The following LDB3 variants were observed in gnomAD, a reference collection of about 807,000 sequenced individuals.
The protein encoded by LDB3 is LIM domain binding 3.
Under a neutral mutation model 69.0 loss-of-function variants are expected in LDB3, and 49 were observed. The observed-to-expected ratio is 0.71, with a 90% confidence interval of 0.56 to 0.90. The LOEUF (loss-of-function observed/expected upper bound fraction) is 0.90, where lower values mean the gene tolerates loss of function less well. Among genes scored for constraint, LDB3 ranks in the 40% least tolerant of loss-of-function variants. LDB3 has a pLI of 0.00. For missense variants in LDB3, 928 were observed against 974.1 expected (o/e 0.95, Z 0.63); for synonymous variants, 387 against 396.2 (o/e 0.98, Z 0.28).
rs1589663657 is a variant in LDB3 at position 86,706,559 on chromosome 10, A to C, written c.925A>C (p.Thr309Pro). ...CCCTATTGAGCATGCGCCGGTGTGC[A>C]CCAGCCAGGCCACCACCCCGCTGCT... ...STPIEHAPVC[T>P]SQATTPLLPA... Residue 309 changes from threonine (T) to proline (P), a missense_variant, in exon 8 of 14, where the codon ACC becomes CCC. Coordinates refer to ENST00000361373, the MANE Select transcript of LDB3 (RefSeq NM_007078.3). 1 of 1,612,896 alleles carries C rather than the reference A, an allele frequency of 6.2e-7. No individual in the cohort carries two copies. The highest frequency in any genetic ancestry group is 8.5e-7 in the Non-Finnish European group (1 of 1,179,946).
intron 12 of LDB3, among the ~76,000 whole-genome samples, chr10:86,723,851 T>C (rs1278125884): frequency 6.6e-6 from 1 of 152,204 alleles, no homozygotes; most frequent in East Asian, 1.9e-4. Context: ...GGAAAACACA[T>C]GCAAGAGATA....
rs1242732442 is a variant in LDB3 at position 86,735,484 on chromosome 10, A to G, written c.*2508A>G. The G allele has an allele frequency of 6.6e-6, 1 of 152,168 alleles. No individual in the cohort carries two copies. The highest frequency in any genetic ancestry group is 2.4e-5 in the African/African-American group (1 of 41,434). 9.4% of individuals were successfully genotyped at this position (152,168 alleles called of 1,614,324 possible). ...TCTTGTCTCCTCATTGTTGACATTA[A>G]TTAAACATTTATAGGCCAGGCACAG... On this transcript the variant is annotated 3_prime_UTR_variant, in exon 14 of 14. Transcript: ENST00000361373.
chr10:86,676,790 C>A (rs1229589639), intron 2 of LDB3, among the ~76,000 whole-genome samples: 1 of 152,222 alleles, frequency 6.6e-6, no homozygotes, highest in Non-Finnish European at 1.5e-5. Flanking sequence ...ACACTGGTGA[C>A]TGGTGACTGC....
At chr10:86,690,589 C>G (rs1845709599) in intron 5 of LDB3, among the ~76,000 whole-genome samples, 1 of 152,258 alleles carries the variant, frequency 6.6e-6, no homozygotes, top group South Asian at 2.1e-4. Flanking sequence ...GAGCCAGACA[C>G]AGGGACCAGT....
chr10:86,673,366 G>A (rs1211805998), intron 2 of LDB3, among the ~76,000 whole-genome samples: 2 of 152,250 alleles, frequency 1.3e-5, no homozygotes, highest in Non-Finnish European at 2.9e-5. Flanking sequence ...GCAGACGGCT[G>A]TGTGTGAGCA....
intron 12 of LDB3, among the ~76,000 whole-genome samples, chr10:86,719,780 T>C (rs1455849109): frequency 6.6e-6 from 1 of 152,234 alleles, no homozygotes. Context: ...AAATGCTATA[T>C]GTTATCTTAA....
chr10:86,669,185 C>A (rs1277864528), intron 2 of LDB3, among the ~76,000 whole-genome samples: 1 of 152,182 alleles, frequency 6.6e-6, no homozygotes, highest in South Asian at 2.1e-4. Context: ...GGAGTATTCC[C>A]AGCATGGAGA....
intron 9 of LDB3, chr10:86,710,372 C>T: frequency 1.8e-6 from 1 of 563,114 alleles, no homozygotes; most frequent in Non-Finnish European, 2.2e-6. Context: ...GGAGGATCGC[C>T]TGAGGTCGGG....
rs200420174 is a variant in LDB3, at chr10:86,680,090, G to T, written c.254G>T (p.Arg85Leu). ...NLSLTLQKSK[R>L]PIPISTTAPP... The stretch of plus-strand genomic sequence containing the variant: ...ATTTCTGGTTTCTACAGATCAAAGC[G>T]TCCCATTCCCATCTCCACGACAGCA... Residue 85 changes from arginine (R) to leucine (L), a missense_variant, in exon 4 of 14, where the codon CGT (arginine) becomes CTT (leucine). Physicochemically the swap from Arg to Leu is moderately radical, Grantham distance 102. Transcript: ENST00000361373. 2 of 1,613,986 alleles carry T rather than the reference G, an allele frequency of 1.2e-6. No individual in the cohort carries two copies. The highest frequency in any genetic ancestry group is 1.3e-5 in the African/African-American group (1 of 74,920).
Position 86,679,000 on chromosome 10 carries a change from A to G in LDB3, c.94-367A>G, listed in dbSNP as rs950460391. 2.6e-5 allele frequency among the ~76,000 whole-genome samples: 4 copies of G among 152,294 alleles called. No individual in the cohort carries two copies. The East Asian group carries it at 5.8e-4, about 22-fold the overall frequency. ...TTCTCATTCATGCAACGTCCAATACAGTGCTCCTTAATCATCTCTCCTCCT... is the reference window on the plus strand; with the variant it reads ...TTCTCATTCATGCAACGTCCAATACGGTGCTCCTTAATCATCTCTCCTCCT... On this transcript the variant is annotated intron_variant, in intron 2 of 13. Coordinates refer to ENST00000361373, the MANE Select transcript of LDB3 (RefSeq NM_007078.3).
At chr10:86,671,166 G>C (rs1192385906) in intron 2 of LDB3, among the ~76,000 whole-genome samples, 1 of 152,240 alleles carries the variant, frequency 6.6e-6, no homozygotes, top group African/African-American at 2.4e-5. Context: ...CCTCGCTTCA[G>C]AGCCTGGCAA....
chr10:86,732,461 G>A (rs1313789478), intron 13 of LDB3: 1 of 454,952 alleles, frequency 2.2e-6, no homozygotes, highest in Admixed American at 2.4e-5. Flanking sequence ...GGAGAAATAG[G>A]CTGTTGCCTT....
rs777545712 is a variant in LDB3, at chr10:86,691,906, A to G, written c.700A>G (p.Ile234Val). 2.5e-6 allele frequency: 4 copies of G among 1,614,084 alleles called. No homozygotes were observed. The highest frequency in any genetic ancestry group is 2.2e-5 in the East Asian group (1 of 44,868). ...GVGLPGGSLP[I>V]KDLAVDSASP... ...CTCTCTGCATTACAGGAGCCTCCCT[A>G]TTAAGGACCTTGCCGTAGACAGCGC... is the stretch of plus-strand genomic sequence containing the variant. The change falls in exon 6 of 14, where the codon ATT (isoleucine) becomes GTT (valine). Residue 234 changes from isoleucine to valine, a missense_variant. Transcript: ENST00000361373.
chr10:86,691,192 C>A (rs1845743372), intron 5 of LDB3, among the ~76,000 whole-genome samples: 1 of 152,160 alleles, frequency 6.6e-6, no homozygotes, highest in Admixed American at 6.5e-5. Flanking sequence ...CTATCATGTG[C>A]CAGACCCTGG....
chr10:86,692,136 C>T, intron 6 of LDB3, 71 bp downstream of exon 6: 3 of 1,563,752 alleles, frequency 1.9e-6, no homozygotes, highest in South Asian at 1.1e-5. Context: ...CTGGGCCCAG[C>T]ACTGCAGAAG....
intron 5 of LDB3, chr10:86,687,129 C>T (rs928294708): frequency 1.2e-6 from 2 of 1,614,242 alleles, no homozygotes; most frequent in Admixed American, 1.7e-5. Context: ...TGTCCACCCA[C>T]AAGCCCATCG....
At chr10:86,688,739 C>G (rs762399438) in intron 5 of LDB3, among the ~76,000 whole-genome samples, 17 of 152,158 alleles carry the variant, frequency 1.1e-4, no homozygotes, top group Non-Finnish European at 2.5e-4. Context: ...TTGGTGTGCT[C>G]TTAAAAGTAG....
At position 86,718,772 on chromosome 10, in the gene LDB3, G is replaced by A. The variant is rs45618633; in HGVS notation, c.1903G>A (p.Val635Ile). 4.3e-3 allele frequency: 6,982 copies of A among 1,614,098 alleles called. 187 individuals carry two copies. The African/African-American group carries it at 0.066, about 15-fold the overall frequency. ...ACAGACATGGCACACCACCTGCTTC[G>A]TCTGTGCGGCCTGCAAGAAGCCTTT... is the stretch of plus-strand genomic sequence containing the variant. The part of the protein sequence containing the change: ...LRQTWHTTCF[V>I]CAACKKPFGN... Residue 635 changes from valine (V) to isoleucine (I), a missense_variant, in exon 12 of 14, where the codon GTC (valine) becomes ATC (isoleucine). Transcript: ENST00000361373.
intron 2 of LDB3, 151 bp from the exon 3 acceptor site, chr10:86,679,216 A>T (rs1844967442): frequency 1.1e-6 from 1 of 901,000 alleles, no homozygotes; most frequent in African/African-American, 1.6e-5. Flanking sequence ...AAGAGGAACT[A>T]GGCTTGGTTA....
Sources: allele counts gnomAD v4.1 joint callset (sites outside exome capture counted in the v4.1 genomes callset), GRCh38; gene constraint gnomAD v4.1.1; transcripts MANE v1.5; gene names NCBI Gene and HGNC (gene_info 2026-07-23, HGNC 2026-07-21).